SPATA17: variants seen among roughly 807,000 people sequenced by gnomAD.
The protein encoded by SPATA17 is spermatogenesis-associated protein 17.
Under a neutral mutation model 62.2 loss-of-function variants are expected in SPATA17, and 53 were observed. The ratio of observed to expected loss-of-function variants is 0.85; its 90% CI spans 0.68 to 1.07. The LOEUF (loss-of-function observed/expected upper bound fraction) is 1.07. Ranked by LOEUF, SPATA17 falls within the 50% of genes least tolerant of loss-of-function variation. SPATA17 has a pLI of 0.00. For missense variants in SPATA17, 466 were observed against 425.5 expected (o/e 1.10, Z -0.84); for synonymous variants, 146 against 146.8 (o/e 0.99, Z 0.04).
intron 5 of SPATA17, among the ~76,000 whole-genome samples, chr1:217,690,850 T>G (rs1244049841): frequency 7.0e-6 from 1 of 143,724 alleles, no homozygotes; most frequent in Admixed American, 6.9e-5. Context: ...TAGTATTCCA[T>G]GGTGTATATG....
chr1:217,651,013 A>C (rs929778766), intron 2 of SPATA17, 84 bp from the exon 3 acceptor site: 17 of 1,005,726 alleles, frequency 1.7e-5, no homozygotes, highest in Non-Finnish European at 2.6e-5. Context: ...TGAATTCTTG[A>C]ATTGTAGGAG....
chr1:217,763,901 A>T lies in SPATA17; in HGVS notation c.520-10433A>T, dbSNP rs193017304. 7.2e-4 allele frequency among the ~76,000 whole-genome samples: 110 copies of T among 152,246 alleles called. 1 individual carries two copies. Among genetic ancestry groups the T allele is most frequent in the South Asian group, 4.1e-4 (2 of 4,822 alleles). On this transcript the variant is annotated intron_variant, in intron 6 of 10. Coordinates refer to ENST00000366933, the MANE Select transcript of SPATA17 (RefSeq NM_138796.4). ...GAGCTGGTGGTGCCATTTACTTTTT[A>T]AAAAAATAGGCTTTATATTTTAGAG... is the stretch of plus-strand genomic sequence containing the variant.
intron 5 of SPATA17, among the ~76,000 whole-genome samples, chr1:217,689,221 C>CTTTTTTT (rs200885875): frequency 9.0e-4 from 92 of 102,598 alleles, no homozygotes; most frequent in Non-Finnish European, 1.3e-3. Context: ...TTTATTATGT[C>CTTTTTTT]TTTTTTTTTT....
chr1:217,677,557 A>C (rs1670976250), intron 4 of SPATA17, among the ~76,000 whole-genome samples: 1 of 152,094 alleles, frequency 6.6e-6, no homozygotes, highest in Non-Finnish European at 1.5e-5. Context: ...AGAATGAATA[A>C]CAGTTTTATT....
At chr1:217,812,942 G>A (rs940199676) in intron 9 of SPATA17, among the ~76,000 whole-genome samples, 1 of 152,148 alleles carries the variant, frequency 6.6e-6, no homozygotes, top group African/African-American at 2.4e-5. Flanking sequence ...CATGTTGATA[G>A]AGCTTTTCCT....
intron 5 of SPATA17, among the ~76,000 whole-genome samples, chr1:217,697,346 A>G (rs1050348687): frequency 7.9e-5 from 12 of 152,216 alleles, no homozygotes; most frequent in African/African-American, 2.9e-4. Flanking sequence ...TGGAATCCAG[A>G]AATGCATTAC....
intron 9 of SPATA17, among the ~76,000 whole-genome samples, chr1:217,809,154 GGGTAA>G (rs1212247037): frequency 6.6e-6 from 1 of 152,114 alleles, no homozygotes; most frequent in East Asian, 1.9e-4. Context: ...GATTGCCAAG[GGGTAA>G]GACATGCTGG....
chr1:217,650,054 C>T (rs1353653334), intron 2 of SPATA17, among the ~76,000 whole-genome samples: 2 of 151,834 alleles, frequency 1.3e-5, no homozygotes, highest in African/African-American at 2.4e-5. Flanking sequence ...ATTCTCCTGC[C>T]TCAGCCTCTC....
intron 9 of SPATA17, among the ~76,000 whole-genome samples, chr1:217,852,321 G>A (rs1675686343): frequency 6.6e-6 from 1 of 152,104 alleles, no homozygotes; most frequent in Non-Finnish European, 1.5e-5. Context: ...ATTATTAATA[G>A]TTCTCTTTAC....
rs930734231 is a variant in SPATA17 at position 217,753,249 on chromosome 1, C to T, written c.519+11151C>T. ...AGCTTCCTTAGTTTCACTGTTACTT[C>T]ACCTCTGAGTGGACTCCATTCATGT... On this transcript the variant is annotated intron_variant, in intron 6 of 10. Coordinates refer to ENST00000366933, the MANE Select transcript of SPATA17 (RefSeq NM_138796.4). 3.3e-5 allele frequency among the ~76,000 whole-genome samples: 5 copies of T among 152,310 alleles called. No homozygotes were observed. In the South Asian group the frequency reaches 1.0e-3, roughly 32 times the overall value.
chr1:217,639,022 G>A (rs1428141148), intron 1 of SPATA17, among the ~76,000 whole-genome samples: 1 of 151,990 alleles, frequency 6.6e-6, no homozygotes, highest in Non-Finnish European at 1.5e-5. Flanking sequence ...TGGGAGTGGG[G>A]AAGAGATAGA....
chr1:217,742,904 G>T (rs1352813505), intron 6 of SPATA17, among the ~76,000 whole-genome samples: 2 of 151,798 alleles, frequency 1.3e-5, no homozygotes, highest in African/African-American at 4.8e-5. Flanking sequence ...GTGGTGAAGG[G>T]TGGGCCCCAA....
At chr1:217,683,768 T>C (rs1043395694) in intron 5 of SPATA17, among the ~76,000 whole-genome samples, 3 of 152,026 alleles carry the variant, frequency 2.0e-5, no homozygotes, top group Admixed American at 2.0e-4. Context: ...TCAGTGATGT[T>C]TAGGCAGACA....
chr1:217,825,679 T>C (rs755543853), intron 9 of SPATA17, among the ~76,000 whole-genome samples: 2 of 152,050 alleles, frequency 1.3e-5, no homozygotes, highest in Non-Finnish European at 2.9e-5. Flanking sequence ...TATTTACATC[T>C]TTAAATTTGT....
In SPATA17 at chr1:217,780,851, A is replaced by G. The variant is rs138644835; in HGVS notation, c.724-1323A>G. On this transcript the variant is annotated intron_variant, in intron 7 of 10. Coordinates refer to ENST00000366933, the MANE Select transcript of SPATA17 (RefSeq NM_138796.4). Reference sequence around the variant, plus strand: ...GTGATGTAGTTATTCCATTTTACAAATGATGAACATCGGCATAGAGAAATA... The same window carrying G: ...GTGATGTAGTTATTCCATTTTACAAGTGATGAACATCGGCATAGAGAAATA... Among the ~76,000 whole-genome samples the G allele has an allele frequency of 3.1e-3, 466 of 152,312 alleles. 3 individuals are homozygous for G. Among genetic ancestry groups the G allele is most frequent in the Non-Finnish European group, 5.1e-3 (345 of 68,018 alleles).
intron 4 of SPATA17, among the ~76,000 whole-genome samples, chr1:217,677,764 G>A (rs996308636): frequency 6.6e-6 from 1 of 151,712 alleles, no homozygotes; most frequent in Non-Finnish European, 1.5e-5. Context: ...TGTAGAGAAA[G>A]GAAGTATAAG....
chr1:217,847,506 C>T (rs144959739), intron 9 of SPATA17, among the ~76,000 whole-genome samples: 312 of 152,204 alleles, frequency 2.0e-3, no homozygotes, highest in Non-Finnish European at 3.2e-3. Flanking sequence ...GAAATATAGA[C>T]ATTAAATATT....
intron 9 of SPATA17, 38 bp downstream of exon 9, chr1:217,801,888 T>C (rs1558056861): frequency 3.2e-6 from 5 of 1,557,918 alleles, no homozygotes; most frequent in Non-Finnish European, 4.4e-6. Context: ...TATTCCTTTT[T>C]AAAAGCTAGA....
intron 9 of SPATA17, among the ~76,000 whole-genome samples, chr1:217,859,554 T>C (rs996362900): frequency 2.0e-5 from 3 of 151,964 alleles, no homozygotes; most frequent in Admixed American, 2.0e-4. Context: ...ACTACAGGTG[T>C]ACACCACAAT....
Sources: allele counts gnomAD v4.1 joint callset (sites outside exome capture counted in the v4.1 genomes callset), GRCh38; gene constraint gnomAD v4.1.1; transcripts MANE v1.5; gene names NCBI Gene and HGNC (gene_info 2026-07-23, HGNC 2026-07-21).